FBXO10: variants seen among roughly 807,000 people sequenced by gnomAD.
FBXO10 encodes F-box only protein 10.
In FBXO10, 39 loss-of-function variants were observed where a neutral mutation model predicts 80.7. The ratio of observed to expected loss-of-function variants is 0.48; its 90% CI spans 0.37 to 0.63. The LOEUF is 0.63. Among genes scored for constraint, FBXO10 ranks in the 30% least tolerant of loss-of-function variants. FBXO10 has a pLI of 0.00. For synonymous variants in FBXO10, 449 were observed against 489.6 expected, an observed-to-expected ratio of 0.92 and a Z score of 1.09; for missense variants, 1,025 against 1,269.0, an observed-to-expected ratio of 0.81 and a Z score of 2.92.
Position 37,564,548 on chromosome 9 carries a change from G to A in FBXO10, c.-7+11663C>T, listed in dbSNP as rs555346051. Among the ~76,000 whole-genome samples the A allele has an allele frequency of 9.8e-5, 15 of 152,372 alleles. 1 individual carries two copies. The South Asian group carries it at 3.1e-3, about 32-fold the overall frequency. On this transcript the variant is annotated intron_variant, in intron 1 of 10. Transcript: ENST00000432825. ...GGTTGTATCCTGCAAAGCCACAGGGGTGGAGCTGCCCAAGGCTGGGAGCCC... is the reference window on the plus strand; with the variant it reads ...GGTTGTATCCTGCAAAGCCACAGGGATGGAGCTGCCCAAGGCTGGGAGCCC...
chr9:37,521,564 C>T lies in FBXO10; in HGVS notation c.2200+5G>A, dbSNP rs1821345773. The T allele has an allele frequency of 4.4e-6, 7 of 1,593,600 alleles. No individual in the cohort carries two copies. Among genetic ancestry groups the T allele is most frequent in the Non-Finnish European group, 6.0e-6 (7 of 1,165,872 alleles). ...CTTGAGCAGGGGCTGAGGGGGTATA[C>T]TCACCTCCATTGTGATTAATACTGT... is the stretch of plus-strand genomic sequence containing the variant. On this transcript the variant is annotated splice_donor_5th_base_variant and intron_variant, in intron 8 of 10. Coordinates refer to ENST00000432825, the MANE Select transcript of FBXO10 (RefSeq NM_012166.3).
At chr9:37,559,433 AC>A (rs1324466519) in intron 1 of FBXO10, among the ~76,000 whole-genome samples, 3 of 152,212 alleles carry the variant, frequency 2.0e-5, no homozygotes, top group Non-Finnish European at 4.4e-5. Flanking sequence ...GTTGCAGGTG[AC>A]CTTGAACAAG....
chr9:37,537,599 G>A lies in FBXO10; in HGVS notation c.930C>T (p.Asp310=). The A allele has an allele frequency of 1.2e-6, 2 of 1,613,974 alleles. No individual in the cohort carries two copies. The highest frequency in any genetic ancestry group is 1.1e-5 in the South Asian group (1 of 91,078). The stretch of plus-strand genomic sequence containing the variant: ...GGCTCTGGCTGCCCTCGATAACAAT[G>A]TCACAGGTCTTTGGGCTCCAGGCCT... The part of the protein sequence containing the change: ...RDQAWSPKTC[D]IVIEGSQSPT... The change falls in exon 3 of 11, where the codon GAC becomes GAT. Residue 310 remains aspartate (D), a synonymous_variant. Transcript: ENST00000432825.
intron 10 of FBXO10, among the ~76,000 whole-genome samples, chr9:37,513,558 G>GT (rs984814977): frequency 2.2e-4 from 33 of 151,376 alleles, no homozygotes; most frequent in African/African-American, 3.2e-4. Context: ...GGATTTCTGG[G>GT]TTTTTTTTGT....
chr9:37,570,206 G>A (rs1822712577), intron 1 of FBXO10, among the ~76,000 whole-genome samples: 1 of 152,128 alleles, frequency 6.6e-6, no homozygotes, highest in South Asian at 2.1e-4. Flanking sequence ...AGCTACTTGG[G>A]AGGCTGAGGA....
intron 4 of FBXO10, 48 bp from the exon 5 acceptor site, chr9:37,529,308 C>A: frequency 6.4e-7 from 1 of 1,569,546 alleles, no homozygotes; most frequent in East Asian, 2.4e-5. Context: ...GACACGTCAG[C>A]GAAGCAGAGT....
At chr9:37,553,188 C>T (rs1024529390) in intron 1 of FBXO10, among the ~76,000 whole-genome samples, 4 of 151,940 alleles carry the variant, frequency 2.6e-5, no homozygotes, top group Non-Finnish European at 4.4e-5. Flanking sequence ...ACTACAGGCA[C>T]GCGCCACCAT....
intron 8 of FBXO10, among the ~76,000 whole-genome samples, chr9:37,518,725 G>A (rs1323563451): frequency 1.3e-5 from 2 of 152,252 alleles, no homozygotes; most frequent in East Asian, 3.9e-4. Flanking sequence ...CTCCCACCGT[G>A]TGCTTGAATG....
chr9:37,572,638 A>G (rs914190357), intron 1 of FBXO10, among the ~76,000 whole-genome samples: 1 of 152,228 alleles, frequency 6.6e-6, no homozygotes, highest in Non-Finnish European at 1.5e-5. Context: ...CATAGGTGAT[A>G]TAATTACAAA....
chr9:37,532,160 A>G lies in FBXO10; in HGVS notation c.1420-102T>C, dbSNP rs1387509095. Reference sequence around the variant, plus strand: ...CTTTTCCGCACCACCTGATCCATGCAGTTTACCCCGTAGGCAAGAGAAACG... The same window carrying G: ...CTTTTCCGCACCACCTGATCCATGCGGTTTACCCCGTAGGCAAGAGAAACG... On this transcript the variant is annotated intron_variant, in intron 3 of 10. Transcript: ENST00000432825. 3.8e-6 allele frequency: 5 copies of G among 1,311,812 alleles called. No individual in the cohort carries two copies. In the East Asian group the frequency reaches 1.1e-4, roughly 28 times the overall value. The allele number at this position is 1,311,812 out of a possible 1,614,324, so 81.3% of individuals were successfully genotyped here.
At chr9:37,571,214 G>C (rs745492996) in intron 1 of FBXO10, among the ~76,000 whole-genome samples, 5 of 152,076 alleles carry the variant, frequency 3.3e-5, no homozygotes, top group African/African-American at 4.8e-5. Flanking sequence ...GGACAAAGAA[G>C]GGGAAACTAA....
Position 37,523,188 on chromosome 9 carries a change from T to C in FBXO10, c.1778-211A>G, listed in dbSNP as rs191482892. Among the ~76,000 whole-genome samples the C allele has an allele frequency of 2.5e-3, 338 of 134,442 alleles. 3 individuals are homozygous for C. The highest frequency in any genetic ancestry group is 8.5e-3 in the African/African-American group (300 of 35,176). The allele number at this position is 134,442 out of a possible 152,430, so 88.2% of individuals were successfully genotyped here. On this transcript the variant is annotated intron_variant, in intron 6 of 10. Transcript: ENST00000432825. ...TCCCCAAGGGCAAGGCTTGTGTCTA[T>C]CTTGTGCACTCCTATCTCCCCGGCA...
At chr9:37,536,899 C>T (rs1821779880) in intron 3 of FBXO10, among the ~76,000 whole-genome samples, 1 of 152,098 alleles carries the variant, frequency 6.6e-6, no homozygotes, top group Non-Finnish European at 1.5e-5. Flanking sequence ...GCTATGTGAC[C>T]CTGAGTAAGC....
rs780121584 is a variant in FBXO10, at chr9:37,541,638, C to A, written c.131G>T (p.Arg44Leu). ...GCAACCCAGACACAGCTGCCGCCAG[C>A]GGGTGCTGTCGAGACTGAGGATCAG... ...YELILSLDSTRWRQLCLGCTE... is the reference protein window; with the variant it reads ...YELILSLDSTLWRQLCLGCTE... The change falls in exon 2 of 11, where the codon CGC becomes CTC. Residue 44 changes from arginine (R) to leucine (L), a missense_variant. Coordinates refer to ENST00000432825, the MANE Select transcript of FBXO10 (RefSeq NM_012166.3). 9.3e-6 allele frequency: 15 copies of A among 1,613,892 alleles called. No homozygotes were observed. Among genetic ancestry groups the A allele is most frequent in the Non-Finnish European group, 1.3e-5 (15 of 1,179,864 alleles).
chr9:37,528,947 G>A (rs184785319), intron 5 of FBXO10, among the ~76,000 whole-genome samples, 177 bp downstream of exon 5: 4 of 152,298 alleles, frequency 2.6e-5, no homozygotes, highest in Non-Finnish European at 5.9e-5. Context: ...ACGCCTACAC[G>A]GAGTTCACTG....
intron 1 of FBXO10, among the ~76,000 whole-genome samples, chr9:37,548,260 C>T (rs533870464): frequency 2.0e-5 from 3 of 152,178 alleles, no homozygotes; most frequent in African/African-American, 4.8e-5. Context: ...TGGTGTGCAC[C>T]TGTAATCCCA....
intron 1 of FBXO10, among the ~76,000 whole-genome samples, chr9:37,543,172 A>C (rs1268723915): frequency 6.6e-6 from 1 of 152,222 alleles, no homozygotes. Flanking sequence ...CTGAACACCT[A>C]TGGGCTGGCT....
At chr9:37,518,840 A>G (rs1821252831) in intron 8 of FBXO10, among the ~76,000 whole-genome samples, 1 of 151,618 alleles carries the variant, frequency 6.6e-6, no homozygotes, top group South Asian at 2.1e-4. Flanking sequence ...AGATCTACTC[A>G]TTAGAGGGTT....
intron 2 of FBXO10, among the ~76,000 whole-genome samples, chr9:37,538,568 C>T (rs1821836316): frequency 1.3e-5 from 2 of 151,912 alleles, no homozygotes; most frequent in Admixed American, 1.3e-4. Flanking sequence ...ATTAGCTGGG[C>T]GTGGTGGTGT....
Sources: allele counts gnomAD v4.1 joint callset (sites outside exome capture counted in the v4.1 genomes callset), GRCh38; gene constraint gnomAD v4.1.1; transcripts MANE v1.5; gene names NCBI Gene and HGNC (gene_info 2026-07-23, HGNC 2026-07-21).